The following ABLIM1 variants were observed in gnomAD, a reference collection of about 807,000 sequenced individuals.
The protein encoded by ABLIM1 is actin-binding LIM protein 1.
In ABLIM1, 40 loss-of-function variants were observed where a neutral mutation model predicts 107.0. That is an observed-to-expected ratio of 0.37 (90% CI 0.29 to 0.49). The LOEUF (loss-of-function observed/expected upper bound fraction) is 0.49. Among genes scored for constraint, ABLIM1 ranks in the 20% least tolerant of loss-of-function variants. The pLI is 0.97. For missense variants in ABLIM1, 857 were observed against 1,008.5 expected (o/e 0.85, Z 2.04); for synonymous variants, 357 against 357.3 (o/e 1.00, Z 0.01).
the ABLIM1 span, chr10:114,778,538 C>G: frequency 6.6e-6 from 1 of 151,492 alleles, no homozygotes; most frequent in Non-Finnish European, 1.5e-5. Context: ...TCCGGCCATT[C>G]TTCCTTGTCC....
intron 1 of ABLIM1, among the ~76,000 whole-genome samples, chr10:114,751,815 T>C (rs2082520053): frequency 6.7e-6 from 1 of 148,544 alleles, no homozygotes; most frequent in Non-Finnish European, 1.5e-5. Flanking sequence ...AGGGGGGAAA[T>C]GGAAAGACCA....
At chr10:114,779,341 G>A in the ABLIM1 span, 5 of 152,168 alleles carry the variant, frequency 3.3e-5, no homozygotes, top group South Asian at 2.1e-4. Context: ...GCTAGAATCT[G>A]GATACAGGTT....
At chr10:114,543,795 G>C (rs10885578) in intron 6 of ABLIM1, among the ~76,000 whole-genome samples, 62,018 of 152,074 alleles carry the variant, frequency 0.41, 13,869 homozygotes, top group Non-Finnish European at 0.51. Context: ...CGTTTCTTAT[G>C]TATCCTGTGC....
At chr10:114,544,069 G>A (rs1462119916) in intron 6 of ABLIM1, among the ~76,000 whole-genome samples, 1 of 152,230 alleles carries the variant, frequency 6.6e-6, no homozygotes, top group Non-Finnish European at 1.5e-5. Context: ...ATGGTGGCGG[G>A]GAGGGGGGCC....
chr10:114,616,425 C>T (rs574423848), intron 1 of ABLIM1, among the ~76,000 whole-genome samples: 6 of 152,316 alleles, frequency 3.9e-5, no homozygotes, highest in African/African-American at 1.4e-4. Flanking sequence ...CATTCCACAA[C>T]AAAAAGAGCA....
At chr10:114,547,100 T>A (rs1487970758) in intron 5 of ABLIM1, among the ~76,000 whole-genome samples, 1 of 152,144 alleles carries the variant, frequency 6.6e-6, no homozygotes, top group Non-Finnish European at 1.5e-5. Context: ...AGGAAAATTT[T>A]TTTTAAGGCA....
intron 1 of ABLIM1, among the ~76,000 whole-genome samples, chr10:114,730,136 G>A (rs2082041691): frequency 6.6e-6 from 1 of 152,090 alleles, no homozygotes; most frequent in African/African-American, 2.4e-5. Context: ...GGTGGCTCAC[G>A]CCTGTGATCC....
At chr10:114,667,175 T>C (rs1183585086) in intron 1 of ABLIM1, among the ~76,000 whole-genome samples, 1 of 152,216 alleles carries the variant, frequency 6.6e-6, no homozygotes, top group Non-Finnish European at 1.5e-5. Context: ...TTGTGATTTA[T>C]TTTGGGTACC....
intron 1 of ABLIM1, among the ~76,000 whole-genome samples, chr10:114,751,880 T>A (rs887516457): frequency 1.3e-5 from 2 of 152,112 alleles, no homozygotes; most frequent in African/African-American, 4.8e-5. Flanking sequence ...GGCTTGAGAA[T>A]ACCAAATCCA....
At chr10:114,649,569 G>C (rs185549099) in intron 1 of ABLIM1, among the ~76,000 whole-genome samples, 1 of 151,988 alleles carries the variant, frequency 6.6e-6, no homozygotes, top group East Asian at 1.9e-4. Flanking sequence ...TTCTGCAAAG[G>C]GTTTCTCTAG....
At chr10:114,741,813 T>C (rs991333926) in intron 1 of ABLIM1, among the ~76,000 whole-genome samples, 5 of 152,184 alleles carry the variant, frequency 3.3e-5, no homozygotes, top group Admixed American at 3.3e-4. Flanking sequence ...CTGACAGAGA[T>C]TGTTTGTTGT....
At chr10:114,706,969 G>A (rs572559248) in intron 1 of ABLIM1, among the ~76,000 whole-genome samples, 2 of 152,084 alleles carry the variant, frequency 1.3e-5, no homozygotes, top group Non-Finnish European at 2.9e-5. Context: ...CATACAGAAT[G>A]GTGTATTGTA....
intron 5 of ABLIM1, 141 bp from the exon 6 acceptor site, chr10:114,545,239 C>T (rs778277904): frequency 1.3e-6 from 1 of 745,940 alleles, no homozygotes; most frequent in Non-Finnish European, 2.3e-6. Context: ...CCTGGCAATC[C>T]AGTCAGACCT....
rs1479879498 is a variant in ABLIM1, at chr10:114,629,143, A to G, written c.245-27182T>C. ...AAAGGATGTCAGCAAATGCCACTCC[A>G]CACTAGTGGAGGCAACCAGCCAGCG... is the stretch of plus-strand genomic sequence containing the variant. On this transcript the variant is annotated intron_variant, in intron 1 of 22. Transcript: ENST00000533213. The surrounding 1 kb of genome is among the most constrained non-coding windows in gnomAD (Gnocchi z 4.0). Among the ~76,000 whole-genome samples, 2 of 152,200 alleles carry G rather than the reference A, an allele frequency of 1.3e-5. No homozygotes were observed. The highest frequency in any genetic ancestry group is 2.9e-5 in the Non-Finnish European group (2 of 68,032).
chr10:114,656,441 T>A (rs187880256), intron 1 of ABLIM1, among the ~76,000 whole-genome samples: 3 of 152,066 alleles, frequency 2.0e-5, no homozygotes, highest in Non-Finnish European at 4.4e-5. Flanking sequence ...ACCCAGAAAT[T>A]CCACACCTAG....
At chr10:114,588,846 T>C (rs1031733913) in intron 2 of ABLIM1, among the ~76,000 whole-genome samples, 3 of 152,024 alleles carry the variant, frequency 2.0e-5, no homozygotes. Flanking sequence ...ACCTATATTT[T>C]TTCCCCCCTC....
chr10:114,439,135 C>T lies in ABLIM1; in HGVS notation c.2142+41G>A, dbSNP rs375311883. ...AGAACATCAAATCTGTTTAGGGTTA[C>T]GCCATTCCCATATGAGAGGAAAAAG... On this transcript the variant is annotated intron_variant, in intron 21 of 22. Coordinates refer to ENST00000533213, the MANE Select transcript of ABLIM1 (RefSeq NM_002313.7). 2.4e-5 allele frequency: 38 copies of T among 1,604,832 alleles called. No individual in the cohort carries two copies. The Admixed American group carries it at 2.5e-4, about 11-fold the overall frequency.
chr10:114,475,547 C>T (rs1352453637), intron 8 of ABLIM1, among the ~76,000 whole-genome samples: 1 of 152,160 alleles, frequency 6.6e-6, no homozygotes, highest in Non-Finnish European at 1.5e-5. Context: ...AGGCACAAAT[C>T]CTAGTTGAGG....
intron 14 of ABLIM1, chr10:114,450,219 A>AAC (rs34505590): frequency 0.16 from 33,310 of 207,346 alleles, 3,467 homozygotes; most frequent in African/African-American, 0.27. Flanking sequence ...CATAAAAAAA[A>AAC]AAAAACAAAA....
Sources: gnomAD v4.1 joint callset for allele counts (sites outside exome capture counted in the v4.1 genomes callset) on GRCh38, gnomAD v4.1.1 for gene constraint, Gnocchi (gnomAD v3.1) non-coding constraint, MANE v1.5 for transcripts, NCBI Gene and HGNC (gene_info 2026-07-23, HGNC 2026-07-21) for gene names.